TAFA4: variants seen among roughly 807,000 people sequenced by gnomAD.
TAFA4 encodes the protein chemokine-like protein TAFA-4.
In TAFA4, 20 loss-of-function variants were observed where a neutral mutation model predicts 21.1. The observed-to-expected ratio is 0.95, with a 90% CI of 0.67 to 1.38. The LOEUF is 1.38. Among genes scored for constraint, TAFA4 ranks in the 40% most tolerant of loss-of-function variants. The pLI, the probability that TAFA4 is intolerant of heterozygous loss-of-function variation, is 0.00. For missense variants in TAFA4, 211 were observed against 180.9 expected (o/e 1.17, Z -0.95); for synonymous variants, 71 against 67.4 (o/e 1.05, Z -0.26).
intron 3 of TAFA4, among the ~76,000 whole-genome samples, chr3:68,827,681 C>CT (rs1481578850): frequency 1.3e-5 from 2 of 152,246 alleles, no homozygotes; most frequent in South Asian, 2.1e-4. Flanking sequence ...GCATAAATGT[C>CT]TTTTTTTGAA....
chr3:68,829,884 A>G (rs1704341700), intron 3 of TAFA4, among the ~76,000 whole-genome samples: 1 of 152,166 alleles, frequency 6.6e-6, no homozygotes, highest in Non-Finnish European at 1.5e-5. Context: ...TGGTCTATTC[A>G]GAGATTCAAC....
At chr3:68,787,128 G>T (rs924252942) in intron 3 of TAFA4, among the ~76,000 whole-genome samples, 1 of 152,112 alleles carries the variant, frequency 6.6e-6, no homozygotes, top group African/African-American at 2.4e-5. Context: ...GTCAGTTGAG[G>T]CCAAGGTGAT....
chr3:68,751,840 C>A (rs1305494970), intron 4 of TAFA4, among the ~76,000 whole-genome samples: 1 of 152,004 alleles, frequency 6.6e-6, no homozygotes, highest in African/African-American at 2.4e-5. Context: ...ACTATGTTAC[C>A]CACATAAAAT....
In TAFA4 at chr3:68,910,838, T is replaced by TC. The variant is rs556608161; in HGVS notation, c.-123+21401dup. On this transcript the variant is annotated intron_variant, in intron 1 of 5. Coordinates refer to ENST00000295569, the MANE Select transcript of TAFA4 (RefSeq NM_182522.5). ...CACCAAATCTCATGTGCAATCAGATTCCATTGTACCAACCTCATAGGTTTG... is the reference window on the plus strand; with the variant it reads ...CACCAAATCTCATGTGCAATCAGATTCCCATTGTACCAACCTCATAGGTTTG... Among the ~76,000 whole-genome samples, 33 of 152,310 alleles carry TC rather than the reference T, an allele frequency of 2.2e-4. No individual in the cohort carries two copies. The East Asian group carries it at 6.2e-3, about 29-fold the overall frequency.
At position 68,866,197 on chromosome 3, in the gene TAFA4, G is replaced by A. The variant is rs144277234; in HGVS notation, c.130+14533C>T. Among the ~76,000 whole-genome samples, 397 of 152,216 alleles carry A rather than the reference G, an allele frequency of 2.6e-3. 2 individuals carry two copies. The highest frequency in any genetic ancestry group is 9.2e-3 in the African/African-American group (381 of 41,544). ...GATGCCAAACTAGAGTGGTTGTTCA[G>A]CAGCACCACACTGTAGAAGGCACAT... On this transcript the variant is annotated intron_variant, in intron 3 of 5. Coordinates refer to ENST00000295569, the MANE Select transcript of TAFA4 (RefSeq NM_182522.5).
intron 3 of TAFA4, among the ~76,000 whole-genome samples, chr3:68,854,491 T>G (rs1202481860): frequency 6.6e-6 from 1 of 152,134 alleles, no homozygotes; most frequent in African/African-American, 2.4e-5. Context: ...AAAGGCCGTG[T>G]GTTCACAGCT....
At chr3:68,818,098 T>C (rs1054654031) in intron 3 of TAFA4, among the ~76,000 whole-genome samples, 5 of 152,238 alleles carry the variant, frequency 3.3e-5, no homozygotes, top group Non-Finnish European at 7.3e-5. Context: ...CTTTCATCAA[T>C]GATCTTAGCT....
intron 4 of TAFA4, among the ~76,000 whole-genome samples, chr3:68,739,790 C>T (rs1044203638): frequency 6.6e-6 from 1 of 152,116 alleles, no homozygotes; most frequent in African/African-American, 2.4e-5. Context: ...AAAAGTCAGT[C>T]ATTTTCTCAC....
chr3:68,883,393 T>A (rs1056582542), intron 2 of TAFA4, among the ~76,000 whole-genome samples: 1 of 152,234 alleles, frequency 6.6e-6, no homozygotes, highest in African/African-American at 2.4e-5. Flanking sequence ...CTTATCTGAT[T>A]AGGTCAGCCC....
intron 3 of TAFA4, among the ~76,000 whole-genome samples, chr3:68,796,508 A>G (rs1440991934): frequency 6.6e-6 from 1 of 152,206 alleles, no homozygotes; most frequent in East Asian, 1.9e-4. Flanking sequence ...AATGGATCAA[A>G]AACCTAAATG....
chr3:68,739,192 A>T lies in TAFA4; in HGVS notation c.294T>A (p.Ile98=). The change falls in exon 5 of 6, where the codon ATT becomes ATA. Residue 98 remains isoleucine (I), a synonymous_variant. Transcript: ENST00000295569. Reference sequence around the variant, plus strand: ...TGTGACACCACCATTTCTGAATCACAATGGAAGCTGGAAAACAAAGGCCAA... The same window carrying T: ...TGTGACACCACCATTTCTGAATCACTATGGAAGCTGGAAAACAAAGGCCAA... The part of the protein sequence containing the change: ...RAQPSCVEAS[I]VIQKWWCHMN... 6.2e-7 allele frequency: 1 copy of T among 1,613,472 alleles called. No individual in the cohort carries two copies. Among genetic ancestry groups the T allele is most frequent in the Non-Finnish European group, 8.5e-7 (1 of 1,179,750 alleles).
chr3:68,821,694 G>C (rs1376565765), intron 3 of TAFA4, among the ~76,000 whole-genome samples: 1 of 151,808 alleles, frequency 6.6e-6, no homozygotes. Flanking sequence ...CACTACCTTG[G>C]CAATAAACAC....
chr3:68,807,401 A>G (rs1310214522), intron 3 of TAFA4, among the ~76,000 whole-genome samples: 2 of 152,328 alleles, frequency 1.3e-5, no homozygotes, highest in Non-Finnish European at 2.9e-5. Flanking sequence ...ATGAAGAACA[A>G]TAATTCCCAA....
intron 3 of TAFA4, among the ~76,000 whole-genome samples, chr3:68,873,085 T>TA (rs1379256741): frequency 6.6e-6 from 1 of 152,024 alleles, no homozygotes; most frequent in Non-Finnish European, 1.5e-5. Context: ...TTACAAATTC[T>TA]AAAATTAGTA....
At chr3:68,745,876 A>C (rs1014442513) in intron 4 of TAFA4, among the ~76,000 whole-genome samples, 8 of 152,188 alleles carry the variant, frequency 5.3e-5, no homozygotes, top group Non-Finnish European at 8.8e-5. Context: ...TTAAGTGTCA[A>C]CTTGATTGGA....
chr3:68,907,800 G>A (rs2089919407), intron 1 of TAFA4, among the ~76,000 whole-genome samples: 1 of 152,186 alleles, frequency 6.6e-6, no homozygotes, highest in South Asian at 2.1e-4. Flanking sequence ...GAATCCAGGA[G>A]AATAGGAGAT....
chr3:68,732,595 C>G lies in TAFA4; in HGVS notation c.*547G>C, dbSNP rs998028394. On this transcript the variant is annotated 3_prime_UTR_variant, in exon 6 of 6. Transcript: ENST00000295569. Reference sequence around the variant, plus strand: ...AATAATCCAACTATGTCCTTCTATTCTTCAAGGGTTATAAAATAAACGTTC... The same window carrying G: ...AATAATCCAACTATGTCCTTCTATTGTTCAAGGGTTATAAAATAAACGTTC... 6.5e-6 allele frequency: 1 copy of G among 152,762 alleles called. No homozygotes were observed. Among genetic ancestry groups the G allele is most frequent in the Non-Finnish European group, 1.5e-5 (1 of 68,170 alleles). 9.5% of individuals were successfully genotyped at this position (152,762 alleles called of 1,614,324 possible).
At chr3:68,814,766 A>C (rs75874422) in intron 3 of TAFA4, among the ~76,000 whole-genome samples, 99,842 of 151,990 alleles carry the variant, frequency 0.66, 33,322 homozygotes, top group East Asian at 0.98. Context: ...TCAACGCCAT[A>C]CCCATCAAGC....
chr3:68,847,382 C>T (rs1202350914), intron 3 of TAFA4, among the ~76,000 whole-genome samples: 1 of 152,240 alleles, frequency 6.6e-6, no homozygotes, highest in African/African-American at 2.4e-5. Context: ...CAGGCTTGAG[C>T]ATCCCAGGTC....
Sources: gnomAD v4.1 joint callset for allele counts (sites outside exome capture counted in the v4.1 genomes callset) on GRCh38, gnomAD v4.1.1 for gene constraint, MANE v1.5 for transcripts, NCBI Gene and HGNC (gene_info 2026-07-23, HGNC 2026-07-21) for gene names.